The following CNIH3 variants were observed in gnomAD, a reference collection of about 807,000 sequenced individuals.
The protein encoded by CNIH3 is cornichon family AMPA receptor auxiliary protein 3, also known as protein cornichon homolog 3.
CNIH3 carries 14 observed loss-of-function variants against 24.1 expected under a neutral mutation model. The ratio of observed to expected loss-of-function variants is 0.58; its 90% CI spans 0.38 to 0.91. CNIH3 has a LOEUF of 0.91. Ranked by LOEUF, CNIH3 falls within the 40% of genes least tolerant of loss-of-function variation. CNIH3 has a pLI of 0.00. For synonymous variants in CNIH3, 68 were observed against 73.8 expected (o/e 0.92, Z 0.40); for missense variants, 178 against 196.8 (o/e 0.90, Z 0.57).
In CNIH3 at chr1:224,594,286, G is replaced by A. The variant is rs1222203744; in HGVS notation, n.402+28022G>A. 3.3e-5 allele frequency among the ~76,000 whole-genome samples: 5 copies of A among 152,172 alleles called. No homozygotes were observed. The South Asian group carries it at 6.2e-4, about 19-fold the overall frequency. ...CAGTCTCCAGAGCCCTTGCACCCCCGCTTGTCTGGAAGGGGCTGGAGCAGG... is the reference window on the plus strand; with the variant it reads ...CAGTCTCCAGAGCCCTTGCACCCCCACTTGTCTGGAAGGGGCTGGAGCAGG... On this transcript the variant is annotated intron_variant and non_coding_transcript_variant, in intron 3 of 7. Transcript: ENST00000478120.
intron 1 of CNIH3, among the ~76,000 whole-genome samples, chr1:224,624,938 G>A (rs939702550): frequency 6.6e-6 from 1 of 152,142 alleles, no homozygotes; most frequent in Non-Finnish European, 1.5e-5. Context: ...TGGCTCTGCT[G>A]CAGCCTTTGT....
intron 1 of CNIH3, among the ~76,000 whole-genome samples, chr1:224,645,450 C>T (rs2125097660): frequency 6.6e-6 from 1 of 152,390 alleles, no homozygotes; most frequent in South Asian, 2.1e-4. Flanking sequence ...ACGCGTGTTA[C>T]AGAGCGTGCT....
At chr1:224,473,344 T>C (rs1197010079) in intron 1 of CNIH3, among the ~76,000 whole-genome samples, 1 of 151,834 alleles carries the variant, frequency 6.6e-6, no homozygotes, top group Admixed American at 6.6e-5. Context: ...AAATAAGTAA[T>C]TGGTAATCGA....
At chr1:224,589,412 G>T (rs1160527475), downstream of CNIH3, among the ~76,000 whole-genome samples, 1 of 152,298 alleles carries the variant, frequency 6.6e-6, no homozygotes, top group South Asian at 2.1e-4. Context: ...AATATCTGGG[G>T]CTAAATGAGG....
At chr1:224,563,977 T>C (rs1253867429) in intron 3 of CNIH3, among the ~76,000 whole-genome samples, 1 of 152,142 alleles carries the variant, frequency 6.6e-6, no homozygotes, top group African/African-American at 2.4e-5. Flanking sequence ...ACAAAATCTA[T>C]AGGGTGAATA....
chr1:224,463,608 T>C (rs898562425), intron 1 of CNIH3, among the ~76,000 whole-genome samples: 6 of 151,216 alleles, frequency 4.0e-5, no homozygotes, highest in East Asian at 2.0e-4. Context: ...GGTTTCTCCA[T>C]GTTGGTTAGG....
chr1:224,586,012 AAG>A (rs1260020694), intron 5 of CNIH3, among the ~76,000 whole-genome samples: 3 of 152,382 alleles, frequency 2.0e-5, no homozygotes, highest in African/African-American at 7.2e-5. Flanking sequence ...GCCATGAATG[AAG>A]AGAGAACTCA....
chr1:224,454,076 C>T (rs1675542918), intron 1 of CNIH3, among the ~76,000 whole-genome samples: 1 of 152,112 alleles, frequency 6.6e-6, no homozygotes, highest in Admixed American at 6.5e-5. Context: ...TCCTCTCTTC[C>T]GTTTGCTGAA....
intron 1 of CNIH3, among the ~76,000 whole-genome samples, chr1:224,442,713 C>A (rs1273509434): frequency 6.6e-6 from 1 of 152,206 alleles, no homozygotes; most frequent in African/African-American, 2.4e-5. Flanking sequence ...CCACATTTTA[C>A]AGGTGAGAAA....
chr1:224,668,095 G>A (rs925641938), intron 1 of CNIH3, among the ~76,000 whole-genome samples: 1 of 152,182 alleles, frequency 6.6e-6, no homozygotes, highest in Admixed American at 6.5e-5. Flanking sequence ...CAAGGATGGA[G>A]CAAAAGGGCT....
At chr1:224,650,406 A>G (rs1684808123) in intron 1 of CNIH3, among the ~76,000 whole-genome samples, 1 of 152,224 alleles carries the variant, frequency 6.6e-6, no homozygotes, top group Non-Finnish European at 1.5e-5. Context: ...GATTTTAAAT[A>G]TTAATACTTG....
chr1:224,464,466 G>A (rs903560596), intron 1 of CNIH3, among the ~76,000 whole-genome samples: 2 of 152,108 alleles, frequency 1.3e-5, no homozygotes, highest in Non-Finnish European at 2.9e-5. Context: ...ATACTTTTCC[G>A]TGCCTGGCTT....
intron 5 of CNIH3, among the ~76,000 whole-genome samples, chr1:224,585,490 T>A (rs1157656402): frequency 2.6e-5 from 4 of 151,788 alleles, no homozygotes; most frequent in South Asian, 4.2e-4. Flanking sequence ...TTTTTTTTTT[T>A]ATTTTTGAGA....
At chr1:224,534,319 T>C (rs1020825541) in intron 2 of CNIH3, among the ~76,000 whole-genome samples, 1 of 152,230 alleles carries the variant, frequency 6.6e-6, no homozygotes, top group Non-Finnish European at 1.5e-5. Flanking sequence ...TTGAGACTAC[T>C]GAGAGTCTGA....
intron 1 of CNIH3, among the ~76,000 whole-genome samples, chr1:224,443,596 T>C (rs1361904518): frequency 6.6e-6 from 1 of 152,076 alleles, no homozygotes; most frequent in African/African-American, 2.4e-5. Context: ...CTGGGCTACC[T>C]AGAGACCTTA....
chr1:224,658,714 C>T (rs1287467222), intron 1 of CNIH3, among the ~76,000 whole-genome samples: 17 of 146,610 alleles, frequency 1.2e-4, no homozygotes, highest in Admixed American at 2.0e-4. Context: ...TTGTCTCTCT[C>T]TCCCCTCTTT....
At chr1:224,582,043 A>G (rs964630885) in intron 4 of CNIH3, among the ~76,000 whole-genome samples, 3 of 152,170 alleles carry the variant, frequency 2.0e-5, no homozygotes, top group Non-Finnish European at 4.4e-5. Flanking sequence ...AAGAATCATG[A>G]TAACAAAAAT....
At position 224,739,748 on chromosome 1, in the gene CNIH3, G is replaced by T; in HGVS notation, c.*392G>T. ...GGAGCGGAGGCTGGAAGGCCACAAG[G>T]TGCTTGCTAAGGAACAGAATGACCC... is the stretch of plus-strand genomic sequence containing the variant. On this transcript the variant is annotated 3_prime_UTR_variant, in exon 6 of 6. Transcript: ENST00000272133. 1 of 231,870 alleles carries T rather than the reference G, an allele frequency of 4.3e-6. No homozygotes were observed. Among genetic ancestry groups the T allele is most frequent in the East Asian group, 1.2e-4 (1 of 8,354 alleles). 14.4% of individuals were successfully genotyped at this position (231,870 alleles called of 1,614,324 possible).
chr1:224,716,880 C>T (rs1181082992), intron 3 of CNIH3, among the ~76,000 whole-genome samples: 1 of 152,202 alleles, frequency 6.6e-6, no homozygotes, highest in African/African-American at 2.4e-5. Context: ...TGCCGTAAAG[C>T]TCCTCATCAG....
Sources: allele counts gnomAD v4.1 joint callset (sites outside exome capture counted in the v4.1 genomes callset), GRCh38; gene constraint gnomAD v4.1.1; transcripts MANE v1.5; gene names NCBI Gene and HGNC (gene_info 2026-07-23, HGNC 2026-07-21).